The following BORCS5 variants were observed in gnomAD, a reference collection of about 807,000 sequenced individuals.
BORCS5 encodes the protein BLOC-1 related complex subunit 5, also known as BLOC-1-related complex subunit 5.
A neutral mutation model predicts 22.1 loss-of-function variants in BORCS5; 17 were observed. The observed-to-expected ratio is 0.77, with a 90% CI of 0.53 to 1.15. The LOEUF is 1.15. Among genes scored for constraint, BORCS5 ranks in the 50% most tolerant of loss-of-function variants. BORCS5 has a pLI of 0.00. For missense variants in BORCS5, 247 were observed against 253.2 expected, an observed-to-expected ratio of 0.98 and a Z score of 0.17; for synonymous variants, 117 against 99.8, an observed-to-expected ratio of 1.17 and a Z score of -1.03.
intron 2 of BORCS5, among the ~76,000 whole-genome samples, chr12:12,417,129 T>A (rs938970531): frequency 6.6e-6 from 1 of 152,092 alleles, no homozygotes; most frequent in Non-Finnish European, 1.5e-5. Context: ...TAGCATTGCT[T>A]TCACTGCATT....
At chr12:12,435,843 T>C in intron 3 of BORCS5, 58 bp downstream of exon 3, 1 of 1,534,870 alleles carries the variant, frequency 6.5e-7, no homozygotes, top group Non-Finnish European at 8.9e-7. Context: ...TCTGCAACTC[T>C]GGATGCCATC....
At chr12:12,423,045 A>T (rs1277092039) in intron 2 of BORCS5, among the ~76,000 whole-genome samples, 4 of 151,478 alleles carry the variant, frequency 2.6e-5, no homozygotes, top group African/African-American at 9.7e-5. Context: ...TCTGTCACCT[A>T]GGCTGGAGTG....
chr12:12,403,522 G>A (rs956817907), intron 2 of BORCS5, among the ~76,000 whole-genome samples: 3 of 152,166 alleles, frequency 2.0e-5, no homozygotes, highest in African/African-American at 4.8e-5. Context: ...CAGGAGATGA[G>A]GAAAGGGTAA....
At chr12:12,421,963 T>C (rs976524159) in intron 2 of BORCS5, among the ~76,000 whole-genome samples, 3 of 152,208 alleles carry the variant, frequency 2.0e-5, no homozygotes, top group Non-Finnish European at 4.4e-5. Flanking sequence ...TTAGTCTTGC[T>C]AGTGGTTTAT....
intron 2 of BORCS5, among the ~76,000 whole-genome samples, chr12:12,364,554 A>C (rs2136019068): frequency 6.6e-6 from 1 of 152,282 alleles, no homozygotes; most frequent in East Asian, 1.9e-4. Context: ...AAGTGGACCC[A>C]CGTGGTTCAG....
intron 2 of BORCS5, among the ~76,000 whole-genome samples, chr12:12,375,405 C>T (rs1863627213): frequency 1.3e-5 from 2 of 152,190 alleles, no homozygotes; most frequent in Admixed American, 1.3e-4. Context: ...AGGAGGATTG[C>T]TTGAGGCCAG....
Position 12,469,548 on chromosome 12 carries a change from T to C in BORCS5, c.*3772T>C, listed in dbSNP as rs1943256121. The C allele has an allele frequency of 6.6e-6, 1 of 152,262 alleles. No homozygotes were observed. Among genetic ancestry groups the C allele is most frequent in the Non-Finnish European group, 1.5e-5 (1 of 68,050 alleles). The allele number at this position is 152,262 out of a possible 1,614,324, so 9.4% of individuals were successfully genotyped here. A position where few individuals can be genotyped will look rare whatever the true frequency, so the allele number is the denominator to read the frequency against. On this transcript the variant is annotated 3_prime_UTR_variant, in exon 4 of 4. Transcript: ENST00000314565. ...GGTTTTACAAGGTTACATAAACTAA[T>C]GGCCCTGGGGCGAATGACGTATGCC...
chr12:12,448,300 C>G (rs1259910633), intron 3 of BORCS5, among the ~76,000 whole-genome samples: 2 of 152,134 alleles, frequency 1.3e-5, no homozygotes, highest in African/African-American at 4.8e-5. Context: ...ACTGCAACTC[C>G]TGCCTCCCGG....
intron 3 of BORCS5, among the ~76,000 whole-genome samples, chr12:12,451,808 C>A (rs1033740078): frequency 2.0e-5 from 3 of 151,820 alleles, no homozygotes; most frequent in African/African-American, 7.3e-5. Context: ...GTCCCAGCTA[C>A]TCAGGAGGCT....
intron 2 of BORCS5, among the ~76,000 whole-genome samples, chr12:12,429,360 T>G (rs1347217956): frequency 6.6e-6 from 1 of 152,188 alleles, no homozygotes; most frequent in Non-Finnish European, 1.5e-5. Flanking sequence ...TTTGCCTGGG[T>G]TGCCACAACT....
chr12:12,382,596 G>A (rs1030647096), intron 2 of BORCS5, among the ~76,000 whole-genome samples: 5 of 148,372 alleles, frequency 3.4e-5, no homozygotes, highest in African/African-American at 1.2e-4. Context: ...GCAGTGGCGC[G>A]ATCTCAGTTT....
intron 2 of BORCS5, among the ~76,000 whole-genome samples, chr12:12,381,468 C>T (rs1863773648): frequency 6.6e-6 from 1 of 151,176 alleles, no homozygotes; most frequent in South Asian, 2.1e-4. Context: ...TGTGTTTTCC[C>T]TTATTGAATT....
chr12:12,412,035 G>T (rs2136087021), intron 2 of BORCS5, among the ~76,000 whole-genome samples: 2 of 152,208 alleles, frequency 1.3e-5, no homozygotes, highest in Middle Eastern at 3.4e-3. Context: ...GTAATTTTAA[G>T]TTTTGAAATC....
intron 2 of BORCS5, among the ~76,000 whole-genome samples, chr12:12,375,822 G>A (rs1198025083): frequency 6.6e-6 from 1 of 152,064 alleles, no homozygotes; most frequent in East Asian, 1.9e-4. Flanking sequence ...TGTTGTTGTT[G>A]TTGTTTTTGA....
At chr12:12,445,734 A>G (rs1457456418) in intron 3 of BORCS5, among the ~76,000 whole-genome samples, 4 of 151,256 alleles carry the variant, frequency 2.6e-5, no homozygotes, top group African/African-American at 9.7e-5. Flanking sequence ...CCTAGGCTCA[A>G]GTGATCCTCC....
rs113336177 is a variant in BORCS5 at position 12,410,958 on chromosome 12, A to G, written c.203-24670A>G. Among the ~76,000 whole-genome samples, 763 of 152,146 alleles carry G rather than the reference A, an allele frequency of 5.0e-3. 7 individuals are homozygous for G. Among genetic ancestry groups the G allele is most frequent in the African/African-American group, 0.017 (710 of 41,494 alleles). On this transcript the variant is annotated intron_variant, in intron 2 of 3. Transcript: ENST00000314565. Reference sequence around the variant, plus strand: ...GGTCCTTCACATCCCTTTAAGTTGGATCCCTAGGTATTTTATTCTCTTTGA... The same window carrying G: ...GGTCCTTCACATCCCTTTAAGTTGGGTCCCTAGGTATTTTATTCTCTTTGA...
intron 2 of BORCS5, among the ~76,000 whole-genome samples, chr12:12,423,710 A>G (rs1445272330): frequency 1.0e-5 from 1 of 97,728 alleles, no homozygotes; most frequent in Non-Finnish European, 2.2e-5. Flanking sequence ...GTTTTTTGAG[A>G]CAGAGTCTCA....
At chr12:12,373,631 C>A (rs1350227574) in intron 2 of BORCS5, among the ~76,000 whole-genome samples, 1 of 152,150 alleles carries the variant, frequency 6.6e-6, no homozygotes, top group Non-Finnish European at 1.5e-5. Context: ...ACTTATAAGA[C>A]CCTCCTGCCA....
intron 2 of BORCS5, among the ~76,000 whole-genome samples, chr12:12,404,806 C>G (rs1304198020): frequency 6.6e-6 from 1 of 152,182 alleles, no homozygotes; most frequent in East Asian, 1.9e-4. Flanking sequence ...TCAAGTGATT[C>G]TCCTGCCTCA....
Sources: allele counts gnomAD v4.1 joint callset (sites outside exome capture counted in the v4.1 genomes callset), GRCh38; gene constraint gnomAD v4.1.1; transcripts MANE v1.5; gene names NCBI Gene and HGNC (gene_info 2026-07-23, HGNC 2026-07-21).